The following DLC1 variants were observed in gnomAD, a reference collection of about 807,000 sequenced individuals.
DLC1 encodes the protein DLC1 Rho GTPase activating protein.
A neutral mutation model predicts 140.3 loss-of-function variants in DLC1; 54 were observed. That is an observed-to-expected ratio of 0.38 (90% confidence interval 0.31 to 0.48). The LOEUF (loss-of-function observed/expected upper bound fraction) is 0.48. Ranked by LOEUF, DLC1 falls within the 20% of genes least tolerant of loss-of-function variation. DLC1 has a pLI of 0.96. For missense variants in DLC1, 2,536 were observed against 1,907.0 expected (o/e 1.33, Z -6.14); for synonymous variants, 986 against 728.1 (o/e 1.35, Z -5.70).
In DLC1 at chr8:13,099,538, C is replaced by A. The variant is rs1287275980; in HGVS notation, c.2799G>T (p.Ser933=). The change falls in exon 9 of 18, where the codon TCG becomes TCT. Residue 933 remains serine, a synonymous_variant. Transcript: ENST00000276297. ...GAGAGACCGAGTCCAGGGCTGAGTCCGAATCTCCCTCATCAGAAAACTTCT... is the reference window on the plus strand; with the variant it reads ...GAGAGACCGAGTCCAGGGCTGAGTCAGAATCTCCCTCATCAGAAAACTTCT... ...WSEKFSDEGD[S]DSALDSVSPC... The A allele has an allele frequency of 2.5e-6, 4 of 1,614,018 alleles. No individual in the cohort carries two copies. The highest frequency in any genetic ancestry group is 2.2e-5 in the East Asian group (1 of 44,894).
chr8:13,581,537 C>T (rs1024310751), intron 1 of DLC1, among the ~76,000 whole-genome samples: 1 of 152,156 alleles, frequency 6.6e-6, no homozygotes, highest in African/African-American at 2.4e-5. Context: ...TTTCTTCATC[C>T]AAGATTTATC....
At chr8:13,243,506 G>C (rs573907424) in intron 5 of DLC1, among the ~76,000 whole-genome samples, 1 of 152,068 alleles carries the variant, frequency 6.6e-6, no homozygotes, top group Non-Finnish European at 1.5e-5. Flanking sequence ...GTACAGCCAT[G>C]TGAGAAAAAT....
At chr8:13,420,400 A>T (rs1345520394) in intron 2 of DLC1, among the ~76,000 whole-genome samples, 7 of 151,886 alleles carry the variant, frequency 4.6e-5, no homozygotes, top group East Asian at 1.9e-4. Flanking sequence ...ATAACTGACT[A>T]TTTTTTTTAA....
chr8:13,104,581 G>T (rs1819397533), intron 7 of DLC1, among the ~76,000 whole-genome samples: 1 of 152,112 alleles, frequency 6.6e-6, no homozygotes, highest in African/African-American at 2.4e-5. Context: ...CCTACGAATT[G>T]CAATTCTACA....
chr8:13,424,256 T>C (rs112921482), intron 2 of DLC1, among the ~76,000 whole-genome samples: 201 of 152,224 alleles, frequency 1.3e-3, no homozygotes, highest in African/African-American at 4.7e-3. Flanking sequence ...CCCAGCACTT[T>C]GGGAGGCCAA....
chr8:13,391,201 G>C (rs1586261013), intron 4 of DLC1, among the ~76,000 whole-genome samples: 1 of 152,090 alleles, frequency 6.6e-6, no homozygotes, highest in East Asian at 1.9e-4. Flanking sequence ...CACCTGTGCT[G>C]CTGGTCAAGA....
chr8:13,429,561 G>A (rs191323225), intron 2 of DLC1, among the ~76,000 whole-genome samples: 1 of 152,312 alleles, frequency 6.6e-6, no homozygotes, highest in Admixed American at 6.5e-5. Context: ...GCAGCAGCAA[G>A]TTTGGCATTG....
chr8:13,424,399 G>T (rs1466864355), intron 2 of DLC1, among the ~76,000 whole-genome samples: 2 of 151,978 alleles, frequency 1.3e-5, no homozygotes, highest in African/African-American at 4.8e-5. Flanking sequence ...TGAGACAGGA[G>T]AATTCCTTGA....
At chr8:13,401,640 TTA>T (rs768490908) in intron 2 of DLC1, 21 bp from the exon 3 acceptor site, 2 of 1,599,378 alleles carry the variant, frequency 1.3e-6, no homozygotes, top group East Asian at 4.5e-5. Context: ...GAACATTTTG[TTA>T]CTGAATCTGA....
chr8:13,177,009 T>C (rs758017632), intron 5 of DLC1, among the ~76,000 whole-genome samples: 1 of 152,246 alleles, frequency 6.6e-6, no homozygotes, highest in African/African-American at 2.4e-5. Flanking sequence ...GATACAGCCC[T>C]GCTGCCATCT....
At chr8:13,086,251 T>G in intron 17 of DLC1, 39 bp downstream of exon 17, 1 of 1,583,344 alleles carries the variant, frequency 6.3e-7, no homozygotes, top group Non-Finnish European at 8.6e-7. Flanking sequence ...ATTTCCTTCA[T>G]GACCCTCACC....
chr8:13,528,483 G>A (rs542341503), intron 1 of DLC1, among the ~76,000 whole-genome samples: 2 of 152,248 alleles, frequency 1.3e-5, no homozygotes, highest in Non-Finnish European at 2.9e-5. Flanking sequence ...TAAAACATGT[G>A]TTATAAAAGA....
chr8:13,306,091 T>C (rs1227182506), intron 4 of DLC1, among the ~76,000 whole-genome samples: 1 of 152,158 alleles, frequency 6.6e-6, no homozygotes, highest in Non-Finnish European at 1.5e-5. Flanking sequence ...AGAGGATTGC[T>C]GAAAGAACTA....
chr8:13,375,369 A>C (rs370985162), intron 4 of DLC1, among the ~76,000 whole-genome samples: 3 of 152,066 alleles, frequency 2.0e-5, no homozygotes, highest in African/African-American at 7.2e-5. Flanking sequence ...GTATCCTGAG[A>C]ATTTTCTGAA....
At chr8:13,525,581 G>A (rs1395200475) in intron 1 of DLC1, among the ~76,000 whole-genome samples, 11 of 152,090 alleles carry the variant, frequency 7.2e-5, no homozygotes, top group Admixed American at 2.6e-4. Context: ...ATTTCCTAAC[G>A]ATTAGTAATG....
chr8:13,219,182 G>C (rs1378639339), intron 5 of DLC1, among the ~76,000 whole-genome samples: 2 of 61,878 alleles, frequency 3.2e-5, no homozygotes, highest in Non-Finnish European at 5.7e-5. Flanking sequence ...ATAATTATAT[G>C]AATATAACTA....
chr8:13,188,803 A>ATATATATATATATATATATATATG (rs71207130), intron 5 of DLC1, among the ~76,000 whole-genome samples: 111 of 41,380 alleles, frequency 2.7e-3, no homozygotes, highest in Non-Finnish European at 4.2e-3. Context: ...GTGTGTGTGT[A>ATATATATATATATATATATATATG]TATATATATA....
chr8:13,506,167 A>C (rs915173842), intron 1 of DLC1, among the ~76,000 whole-genome samples: 14 of 144,348 alleles, frequency 9.7e-5, no homozygotes, highest in African/African-American at 3.4e-4. Context: ...GTGTGTATAC[A>C]CACACATATA....
chr8:13,248,966 T>C (rs1410667068), intron 5 of DLC1, among the ~76,000 whole-genome samples: 1 of 152,194 alleles, frequency 6.6e-6, no homozygotes, highest in Non-Finnish European at 1.5e-5. Context: ...GGGGCTATTT[T>C]ACTCATTTAC....
Sources: allele counts gnomAD v4.1 joint callset (sites outside exome capture counted in the v4.1 genomes callset), GRCh38; gene constraint gnomAD v4.1.1; transcripts MANE v1.5; gene names NCBI Gene and HGNC (gene_info 2026-07-23, HGNC 2026-07-21).